Variants in POLD1 observed in about 807,000 individuals in gnomAD.
POLD1 encodes DNA polymerase delta 1, catalytic subunit.
A neutral mutation model predicts 129.7 loss-of-function variants in POLD1; 79 were observed. That is an observed-to-expected ratio of 0.61 (90% confidence interval 0.51 to 0.73). The LOEUF (loss-of-function observed/expected upper bound fraction) is 0.73, where lower values mean the gene tolerates loss of function less well. POLD1 is among the 30% of genes least tolerant of loss of function. The probability of loss-of-function intolerance (pLI) is 0.00; values close to 1 mark genes in which losing one functional copy is unlikely to be tolerated. For missense variants in POLD1, 1,338 were observed against 1,595.8 expected (o/e 0.84, Z 2.75); for synonymous variants, 714 against 683.3 (o/e 1.04, Z -0.70).
At chr19:50,399,620 G>A (rs1477483098) in intron 3 of POLD1, 136 bp downstream of exon 3, 20 of 661,366 alleles carry the variant, frequency 3.0e-5, no homozygotes, top group Admixed American at 2.9e-4. Flanking sequence ...TGCCCCTCTG[G>A]TTGCCATAGA....
rs1386481861 is a variant in POLD1 at position 50,409,271 on chromosome 19, C to G, written c.2006+36C>G. 6.9e-7 allele frequency: 1 copy of G among 1,439,824 alleles called. No individual in the cohort carries two copies. The highest frequency in any genetic ancestry group is 9.8e-7 in the Non-Finnish European group (1 of 1,023,980). 89.2% of individuals were successfully genotyped at this position (1,439,824 alleles called of 1,614,324 possible). ...GAGATCGCCTGCTTGGAGCTCAGAC[C>G]TGTTGGGGCCTCTGGGCAATCCCTG... On this transcript the variant is annotated intron_variant, in intron 16 of 26. Transcript: ENST00000440232. This position sits in a 1 kb window ranked among gnomAD's most constrained non-coding sequence, Gnocchi z 5.8.
At chr19:50,414,427 G>A (rs568141911) in intron 19 of POLD1, among the ~76,000 whole-genome samples, 2 of 152,228 alleles carry the variant, frequency 1.3e-5, no homozygotes, top group Admixed American at 6.5e-5. Context: ...GTGGCTTAAC[G>A]CTCTCTCGTG....
chr19:50,416,254 G>A (rs2039283725), intron 22 of POLD1, 142 bp from the exon 23 acceptor site: 7 of 802,536 alleles, frequency 8.7e-6, no homozygotes, highest in South Asian at 1.7e-5. Context: ...CGTGACCTCC[G>A]ACCCCATCCC....
intron 9 of POLD1, 120 bp downstream of exon 9, chr19:50,403,339 G>T: frequency 2.6e-6 from 3 of 1,160,170 alleles, no homozygotes; most frequent in Middle Eastern, 2.4e-4. Context: ...GGTGTCTGTG[G>T]GTCTGGGTGG....
At chr19:50,404,050 C>T (rs1334641534) in intron 10 of POLD1, among the ~76,000 whole-genome samples, 1 of 152,122 alleles carries the variant, frequency 6.6e-6, no homozygotes, top group Non-Finnish European at 1.5e-5. Context: ...CAAAGAGCCA[C>T]AGACCAGGTG....
chr19:50,390,690 A>C (rs2950414), intron 1 of POLD1, among the ~76,000 whole-genome samples: 3 of 151,842 alleles, frequency 2.0e-5, no homozygotes, highest in African/African-American at 7.3e-5. Flanking sequence ...AGTGAACAAA[A>C]GTCTCTGGTT....
In POLD1 at chr19:50,406,302, G is replaced by T. The variant is rs762670703; in HGVS notation, c.1363G>T (p.Val455Leu). The change falls in exon 11 of 27, where the codon GTG becomes TTG. Residue 455 changes from valine (V) to leucine (L), a missense_variant. Around this residue, in one of 3 missense-constraint regions of POLD1, gnomAD observed 720 missense variants for 1,002.6 expected, o/e 0.72. Transcript: ENST00000440232. The surrounding 1 kb of genome is among the most constrained non-coding windows in gnomAD (Gnocchi z 5.5). ...DTKVVSMVGR[V>L]QMDMLQVLLR... ...CAAGGTTGTCAGCATGGTGGGCCGCGTGCAGATGGACATGCTGCAGGTATG... is the reference window on the plus strand; with the variant it reads ...CAAGGTTGTCAGCATGGTGGGCCGCTTGCAGATGGACATGCTGCAGGTATG... 6.2e-7 allele frequency: 1 copy of T among 1,613,970 alleles called. No homozygotes were observed.
Position 50,399,428 on chromosome 19 carries a change from TGGACCCCCAGAC to T in POLD1, c.261_272del (p.Asp88_Thr91del). The T allele has an allele frequency of 6.2e-7, 1 of 1,614,220 alleles. No individual in the cohort carries two copies. The highest frequency in any genetic ancestry group is 8.5e-7 in the Non-Finnish European group (1 of 1,180,024). Reference sequence around the variant, plus strand: ...TGGCTTCGGCCCACACCACCAGCGCTGGACCCCCAGACAGAGCCCCTCATCTTCCAACAGTTG... The same window carrying T: ...TGGCTTCGGCCCACACCACCAGCGCTAGAGCCCCTCATCTTCCAACAGTTG... On this transcript the variant is annotated inframe_deletion, in exon 3 of 27. Coordinates refer to ENST00000440232, the MANE Select transcript of POLD1 (RefSeq NM_002691.4).
At chr19:50,396,469 A>T (rs576221965) in intron 1 of POLD1, among the ~76,000 whole-genome samples, 1 of 144,736 alleles carries the variant, frequency 6.9e-6, no homozygotes, top group African/African-American at 2.8e-5. Flanking sequence ...TACACCCCCA[A>T]AATAATAATA....
rs561258266 is a variant in POLD1 at position 50,401,818 on chromosome 19, C to T, written c.357C>T (p.Arg119=). 62 of 1,613,598 alleles carry T rather than the reference C, an allele frequency of 3.8e-5. 1 individual carries two copies. The highest frequency in any genetic ancestry group is 4.6e-5 in the Non-Finnish European group (54 of 1,179,876). The change falls in exon 4 of 27, where the codon CGC becomes CGT. Residue 119 remains arginine (R), a synonymous_variant. Coordinates refer to ENST00000440232, the MANE Select transcript of POLD1 (RefSeq NM_002691.4). The part of the protein sequence containing the change: ...QPVPGGPPPS[R]GSVPVLRAFG... Reference sequence around the variant, plus strand: ...TGCCTGGGGGGCCCCCACCATCCCGCGGCTCCGTGCCTGTGCTCCGCGCCT... The same window carrying T: ...TGCCTGGGGGGCCCCCACCATCCCGTGGCTCCGTGCCTGTGCTCCGCGCCT...
chr19:50,417,350 T>A, intron 26 of POLD1, 81 bp downstream of exon 26: 1 of 875,454 alleles, frequency 1.1e-6, no homozygotes, highest in Non-Finnish European at 1.8e-6. Context: ...AACCTCTGAC[T>A]CCAAGGCCTC....
At chr19:50,408,718 A>G in intron 14 of POLD1, 67 bp from the exon 15 acceptor site, 2 of 1,587,772 alleles carry the variant, frequency 1.3e-6, no homozygotes, top group South Asian at 1.1e-5. Context: ...GTGAGGCCAC[A>G]AGACAGGGCG....
Position 50,407,078 on chromosome 19 carries a change from G to A in POLD1, c.1590G>A (p.Val530=), listed in dbSNP as rs1485581703. The change falls in exon 13 of 27, where the codon GTG becomes GTA. Residue 530 remains valine, a synonymous_variant. Coordinates refer to ENST00000440232, the MANE Select transcript of POLD1 (RefSeq NM_002691.4). The part of the protein sequence containing the change: ...LRLLERLMVL[V]NAVEMARVTG... ...TGCTGGAGCGGCTCATGGTGCTGGT[G>A]AACGCCGTGGAGATGGCGAGGGTCA... The A allele has an allele frequency of 5.0e-6, 8 of 1,613,688 alleles. No individual in the cohort carries two copies. The highest frequency in any genetic ancestry group is 6.8e-6 in the Non-Finnish European group (8 of 1,180,008).
At chr19:50,412,250 T>C (rs1010917106) in intron 17 of POLD1, among the ~76,000 whole-genome samples, 13 of 152,126 alleles carry the variant, frequency 8.5e-5, no homozygotes, top group African/African-American at 3.1e-4. Context: ...CCTCCCGGGT[T>C]CAAGTGATTC....
intron 1 of POLD1, among the ~76,000 whole-genome samples, chr19:50,390,003 G>A (rs952933304): frequency 6.6e-6 from 1 of 151,000 alleles, no homozygotes; most frequent in African/African-American, 2.4e-5. Flanking sequence ...CCACCTCCCA[G>A]GTTCAATCAA....
intron 1 of POLD1, among the ~76,000 whole-genome samples, chr19:50,388,861 C>T (rs1295772011): frequency 2.7e-5 from 3 of 110,176 alleles, no homozygotes; most frequent in Non-Finnish European, 5.0e-5. Flanking sequence ...GAGACGGAGT[C>T]TTGCTCTGTC....
intron 1 of POLD1, among the ~76,000 whole-genome samples, chr19:50,385,785 TCCCAAA>T (rs1418372360): frequency 3.9e-5 from 6 of 152,130 alleles, no homozygotes. Flanking sequence ...TGCCTCGGCC[TCCCAAA>T]GTGCTGGGAT....
Position 50,403,034 on chromosome 19 carries a change from G to A in POLD1, c.971-19G>A, listed in dbSNP as rs56022846. The A allele has an allele frequency of 1.9e-4, 301 of 1,552,782 alleles. No homozygotes were observed. The African/African-American group carries it at 3.6e-3, about 19-fold the overall frequency. ...AGTGAGGGGCAGGAGTCAGGCCCCT[G>A]CATCCTCCTGCCTCGCAGGCATCTT... is the stretch of plus-strand genomic sequence containing the variant. On this transcript the variant is annotated intron_variant, in intron 8 of 26. Coordinates refer to ENST00000440232, the MANE Select transcript of POLD1 (RefSeq NM_002691.4).
At chr19:50,394,308 C>A (rs527941256) in intron 1 of POLD1, among the ~76,000 whole-genome samples, 24 of 152,282 alleles carry the variant, frequency 1.6e-4, no homozygotes, top group African/African-American at 5.8e-4. Context: ...GCTGGGCAGC[C>A]TGTGGCCACT....
Sources: gnomAD v4.1 joint callset for allele counts (sites outside exome capture counted in the v4.1 genomes callset) on GRCh38, gnomAD v4.1.1 for gene constraint, gnomAD v4.1.1 regional missense constraint, Gnocchi (gnomAD v3.1) non-coding constraint, MANE v1.5 for transcripts, NCBI Gene and HGNC (gene_info 2026-07-23, HGNC 2026-07-21) for gene names.